The following SHQ1 variants were observed in gnomAD, a reference collection of about 807,000 sequenced individuals.
SHQ1 encodes SHQ1, H/ACA ribonucleoprotein assembly factor, also known as protein SHQ1 homolog.
Under a neutral mutation model 53.8 loss-of-function variants are expected in SHQ1, and 49 were observed. The ratio of observed to expected loss-of-function variants is 0.91; its 90% CI spans 0.72 to 1.16. The LOEUF (loss-of-function observed/expected upper bound fraction) is 1.16. SHQ1 is among the 50% of genes most tolerant of loss of function. SHQ1 has a pLI of 0.00. For synonymous variants in SHQ1, 243 were observed against 251.0 expected (o/e 0.97, Z 0.30); for missense variants, 738 against 683.1 (o/e 1.08, Z -0.90).
At chr3:72,740,202 C>G in the SHQ1 span, among the ~76,000 whole-genome samples, 3 of 152,190 alleles carry the variant, frequency 2.0e-5, no homozygotes, top group Admixed American at 2.0e-4. Flanking sequence ...AACCAGCCAT[C>G]CCATTTCAGT....
In SHQ1 at chr3:72,848,221, G is replaced by C. The variant is rs781204286; in HGVS notation, c.120C>G (p.Phe40Leu). Residue 40 changes from phenylalanine (F) to leucine (L), a missense_variant, in exon 1 of 11, where the codon TTC (phenylalanine) becomes TTG (leucine). Physicochemically the swap from Phe to Leu is conservative, Grantham distance 22 (BLOSUM62 0). Transcript: ENST00000325599. ...DVYFEGSDFK[F>L]YAKPYFLRLT... ...GCCTGAGAAAGTATGGCTTGGCGTAGAACTTGAAGTCAGACCCCTCGAAGT... is the reference window on the plus strand; with the variant it reads ...GCCTGAGAAAGTATGGCTTGGCGTACAACTTGAAGTCAGACCCCTCGAAGT... 41 of 1,614,098 alleles carry C rather than the reference G, an allele frequency of 2.5e-5. No individual in the cohort carries two copies. The highest frequency in any genetic ancestry group is 3.2e-5 in the Non-Finnish European group (38 of 1,180,050).
At chr3:72,729,418 G>A in the SHQ1 span, among the ~76,000 whole-genome samples, 4 of 152,074 alleles carry the variant, frequency 2.6e-5, no homozygotes, top group South Asian at 2.1e-4. Flanking sequence ...CCTCCTGATC[G>A]ACCAGTCCAG....
chr3:72,726,572 G>A, the SHQ1 span, among the ~76,000 whole-genome samples: 8 of 152,156 alleles, frequency 5.3e-5, no homozygotes, highest in Middle Eastern at 3.4e-3. Flanking sequence ...GGCTGGTCTC[G>A]AACTCCTGAC....
chr3:72,800,592 T>C (rs973355927), intron 9 of SHQ1, among the ~76,000 whole-genome samples: 5 of 152,226 alleles, frequency 3.3e-5, no homozygotes, highest in African/African-American at 9.6e-5. Context: ...GACATGACTT[T>C]TCATCTTTCT....
At chr3:72,747,978 G>C (rs1164534665), downstream of SHQ1, among the ~76,000 whole-genome samples, 1 of 151,294 alleles carries the variant, frequency 6.6e-6, no homozygotes, top group Non-Finnish European at 1.5e-5. Context: ...GACAGAACAA[G>C]ACTGTCTCAA....
At chr3:72,727,541 C>T in the SHQ1 span, among the ~76,000 whole-genome samples, 1 of 152,146 alleles carries the variant, frequency 6.6e-6, no homozygotes, top group Non-Finnish European at 1.5e-5. Context: ...GGAACAGATC[C>T]CAGACTTGAT....
chr3:72,775,193 A>G (rs1219159220), intron 10 of SHQ1, among the ~76,000 whole-genome samples: 1 of 152,064 alleles, frequency 6.6e-6, no homozygotes, highest in Non-Finnish European at 1.5e-5. Flanking sequence ...TAATTTAAAA[A>G]CAAAAAAACA....
At chr3:72,733,600 C>T in the SHQ1 span, among the ~76,000 whole-genome samples, 1 of 151,392 alleles carries the variant, frequency 6.6e-6, no homozygotes. Flanking sequence ...ATTCCCTCCC[C>T]CTTGAGAATC....
chr3:72,836,213 G>A (rs1707986806), intron 4 of SHQ1, among the ~76,000 whole-genome samples: 1 of 152,230 alleles, frequency 6.6e-6, no homozygotes, highest in Non-Finnish European at 1.5e-5. Flanking sequence ...CTCTTGGACA[G>A]GCATTGTGGC....
Position 72,815,311 on chromosome 3 carries a change from G to A in SHQ1, c.936+39C>T, listed in dbSNP as rs376195210. 2.4e-4 allele frequency: 386 copies of A among 1,577,940 alleles called. 1 individual carries two copies. Among genetic ancestry groups the A allele is most frequent in the Non-Finnish European group, 9.4e-5 (108 of 1,149,814 alleles). On this transcript the variant is annotated intron_variant, in intron 8 of 10. Transcript: ENST00000325599. The stretch of plus-strand genomic sequence containing the variant: ...GTAAAAACAACAAAAATAACTTCCT[G>A]AACAACAAATTCTAAACAATTGCAA...
intron 10 of SHQ1, among the ~76,000 whole-genome samples, chr3:72,769,533 TG>T (rs1313516831): frequency 6.6e-6 from 1 of 152,234 alleles, no homozygotes; most frequent in African/African-American, 2.4e-5. Context: ...TGCCTCAAGT[TG>T]CATCCCTGCC....
intron 10 of SHQ1, among the ~76,000 whole-genome samples, chr3:72,763,065 A>ACT (rs1705647270): frequency 7.5e-6 from 1 of 133,422 alleles, no homozygotes; most frequent in African/African-American, 3.1e-5. Context: ...ACACACACAG[A>ACT]GAGAGAGAGA....
chr3:72,848,107 A>G, intron 1 of SHQ1, 91 bp downstream of exon 1: 2 of 1,506,170 alleles, frequency 1.3e-6, no homozygotes, highest in Non-Finnish European at 1.8e-6. Flanking sequence ...CATTCGCGCA[A>G]TCGAGCACTG....
chr3:72,773,360 G>A, intron 10 of SHQ1: 1 of 529,228 alleles, frequency 1.9e-6, no homozygotes, highest in Admixed American at 2.5e-5. Context: ...AGGAAGGAAA[G>A]GAAAAGATGA....
At chr3:72,730,017 A>C in the SHQ1 span, among the ~76,000 whole-genome samples, 1 of 151,256 alleles carries the variant, frequency 6.6e-6, no homozygotes, top group African/African-American at 2.4e-5. Context: ...ACGGGGTTTC[A>C]CCGTGTTAGC....
chr3:72,813,812 G>C (rs1575715510), intron 8 of SHQ1, among the ~76,000 whole-genome samples: 2 of 139,854 alleles, frequency 1.4e-5, no homozygotes, highest in African/African-American at 2.6e-5. Context: ...AGTATGTTCA[G>C]TTTCCTCTCC....
chr3:72,774,093 A>T (rs1705907865), intron 10 of SHQ1, among the ~76,000 whole-genome samples: 1 of 152,230 alleles, frequency 6.6e-6, no homozygotes, highest in Non-Finnish European at 1.5e-5. Context: ...AATAGATGGT[A>T]AGGCAAAAAG....
intron 1 of SHQ1, 44 bp from the exon 2 acceptor site, chr3:72,844,467 G>GT: frequency 6.9e-7 from 1 of 1,453,248 alleles, no homozygotes; most frequent in Non-Finnish European, 9.7e-7. Context: ...AAATTATAAC[G>GT]TAACATAAGT....
At chr3:72,848,102 G>A in intron 1 of SHQ1, 96 bp downstream of exon 1, 1 of 1,455,274 alleles carries the variant, frequency 6.9e-7, no homozygotes, top group Non-Finnish European at 9.5e-7. Context: ...AAAGGCATTC[G>A]CGCAATCGAG....
Sources: gnomAD v4.1 joint callset for allele counts (sites outside exome capture counted in the v4.1 genomes callset) on GRCh38, gnomAD v4.1.1 for gene constraint, MANE v1.5 for transcripts, NCBI Gene and HGNC (gene_info 2026-07-23, HGNC 2026-07-21) for gene names.